Variants in RGS7 observed in about 807,000 individuals in gnomAD.
RGS7 encodes regulator of G protein signaling 7.
In RGS7, 27 loss-of-function variants were observed where a neutral mutation model predicts 81.1. The ratio of observed to expected loss-of-function variants is 0.33; its 90% confidence interval spans 0.25 to 0.46. The LOEUF (loss-of-function observed/expected upper bound fraction) is 0.46, where lower values mean the gene tolerates loss of function less well. Among genes scored for constraint, RGS7 ranks in the 20% least tolerant of loss-of-function variants. The pLI, the probability that RGS7 is intolerant of heterozygous loss-of-function variation, is 1.00. For synonymous variants in RGS7, 208 were observed against 207.7 expected, an observed-to-expected ratio of 1.00 and a Z score of -0.01; for missense variants, 396 against 607.4, an observed-to-expected ratio of 0.65 and a Z score of 3.66.
chr1:241,232,204 C>G (rs2075703191), intron 2 of RGS7, among the ~76,000 whole-genome samples: 1 of 151,700 alleles, frequency 6.6e-6, no homozygotes, highest in Admixed American at 6.6e-5. Context: ...CTCTCTCTCT[C>G]TCTCTCTTTC....
At chr1:240,925,826 G>C (rs963172181) in intron 6 of RGS7, among the ~76,000 whole-genome samples, 2 of 152,154 alleles carry the variant, frequency 1.3e-5, no homozygotes, top group African/African-American at 4.8e-5. Flanking sequence ...ATTCTGACTG[G>C]TGTGAGATCG....
At chr1:240,779,445 G>A (rs547657092) in intron 18 of RGS7, among the ~76,000 whole-genome samples, 23 of 152,202 alleles carry the variant, frequency 1.5e-4, no homozygotes, top group African/African-American at 5.3e-4. Context: ...ATGAACCACT[G>A]CGTCAGGCCT....
intron 3 of RGS7, among the ~76,000 whole-genome samples, chr1:241,096,235 G>C (rs2064244888): frequency 6.6e-6 from 1 of 152,176 alleles, no homozygotes; most frequent in East Asian, 1.9e-4. Flanking sequence ...AAAGCCAGCA[G>C]TCCGTTGCGA....
intron 9 of RGS7, among the ~76,000 whole-genome samples, chr1:240,827,864 C>CAAAAA (rs57562408): frequency 2.6e-4 from 14 of 52,848 alleles, no homozygotes; most frequent in East Asian, 7.9e-4. Context: ...AACTCCATTG[C>CAAAAA]AAAAAAAAAA....
chr1:241,130,339 TA>T (rs2066985067), intron 2 of RGS7, among the ~76,000 whole-genome samples: 1 of 147,478 alleles, frequency 6.8e-6, no homozygotes. Context: ...GTGATTAACA[TA>T]AATTAAAAAA....
At chr1:241,321,384 A>G (rs2148607463) in intron 2 of RGS7, among the ~76,000 whole-genome samples, 1 of 152,310 alleles carries the variant, frequency 6.6e-6, no homozygotes, top group Non-Finnish European at 1.5e-5. Flanking sequence ...TCTGTTTTCA[A>G]GCAATTTGGA....
chr1:240,884,951 A>G (rs1667088394), intron 6 of RGS7, among the ~76,000 whole-genome samples: 2 of 152,250 alleles, frequency 1.3e-5, no homozygotes. Flanking sequence ...AGAAATTACC[A>G]ACAGAGTAAA....
chr1:241,213,631 T>A (rs750747309), intron 2 of RGS7, among the ~76,000 whole-genome samples: 1 of 152,230 alleles, frequency 6.6e-6, no homozygotes, highest in African/African-American at 2.4e-5. Flanking sequence ...AAGAACTTCT[T>A]ACAGTGTAAT....
rs184067225 is a variant in RGS7 at position 241,348,324 on chromosome 1, C to T, written c.78+7375G>A. ...CACCAGAATAGGTCAGACTAAGTTC[C>T]CAATCTTATCGTTCCTGGGGTTCCA... is the stretch of plus-strand genomic sequence containing the variant. On this transcript the variant is annotated intron_variant, in intron 2 of 18. Transcript: ENST00000440928. Among the ~76,000 whole-genome samples the T allele has an allele frequency of 2.0e-4, 31 of 152,226 alleles. 1 individual carries two copies. Among genetic ancestry groups the T allele is most frequent in the Non-Finnish European group, 8.8e-5 (6 of 68,014 alleles).
At chr1:241,170,907 T>G (rs1161644684) in intron 2 of RGS7, among the ~76,000 whole-genome samples, 2 of 151,942 alleles carry the variant, frequency 1.3e-5, no homozygotes, top group East Asian at 3.9e-4. Context: ...GTAGAAGCAA[T>G]AATATCATCA....
At chr1:240,836,009 T>C (rs547282672) in intron 9 of RGS7, among the ~76,000 whole-genome samples, 2 of 152,280 alleles carry the variant, frequency 1.3e-5, no homozygotes, top group South Asian at 4.1e-4. Flanking sequence ...AGTGAATACA[T>C]GTCATTATAC....
At chr1:240,883,388 G>T (rs1210160870) in intron 6 of RGS7, among the ~76,000 whole-genome samples, 3 of 152,022 alleles carry the variant, frequency 2.0e-5, no homozygotes, top group Non-Finnish European at 4.4e-5. Flanking sequence ...AATCTGAAAG[G>T]TGTGGCTGCT....
intron 2 of RGS7, among the ~76,000 whole-genome samples, chr1:241,149,049 G>A (rs947474672): frequency 2.0e-4 from 31 of 152,202 alleles, no homozygotes; most frequent in African/African-American, 7.5e-4. Context: ...AAATATCTGT[G>A]GTTCCAATTC....
chr1:240,844,325 A>G (rs1187960745), intron 9 of RGS7, among the ~76,000 whole-genome samples: 1 of 152,136 alleles, frequency 6.6e-6, no homozygotes, highest in East Asian at 1.9e-4. Flanking sequence ...TATGCAAGAT[A>G]CCATCAGTAC....
chr1:241,170,520 C>T (rs894473584), intron 2 of RGS7, among the ~76,000 whole-genome samples: 25 of 152,118 alleles, frequency 1.6e-4, no homozygotes, highest in African/African-American at 4.1e-4. Context: ...AAATCTCTTA[C>T]GCATTTATTT....
intron 7 of RGS7, among the ~76,000 whole-genome samples, chr1:240,869,731 G>A (rs1310206230): frequency 6.6e-6 from 1 of 152,120 alleles, no homozygotes; most frequent in Admixed American, 6.5e-5. Context: ...CCTGAGGTCA[G>A]GAGTTCAAGA....
chr1:241,073,472 C>G (rs1294902624), intron 3 of RGS7, among the ~76,000 whole-genome samples: 1 of 152,184 alleles, frequency 6.6e-6, no homozygotes, highest in East Asian at 1.9e-4. Flanking sequence ...ACTTTGGCTA[C>G]AAAGTTAGAT....
intron 6 of RGS7, among the ~76,000 whole-genome samples, chr1:240,898,982 A>G (rs137943025): frequency 0.026 from 3,971 of 152,182 alleles, 186 homozygotes; most frequent in African/African-American, 0.092. Flanking sequence ...TTGGGTGCAT[A>G]TATATTTAGG....
intron 2 of RGS7, among the ~76,000 whole-genome samples, chr1:241,220,629 G>T (rs1038549219): frequency 6.6e-6 from 1 of 152,080 alleles, no homozygotes; most frequent in Non-Finnish European, 1.5e-5. Flanking sequence ...TGGGTTATCA[G>T]AAGAACTGCT....
Sources: allele counts gnomAD v4.1 joint callset (sites outside exome capture counted in the v4.1 genomes callset), GRCh38; gene constraint gnomAD v4.1.1; transcripts MANE v1.5; gene names NCBI Gene and HGNC (gene_info 2026-07-23, HGNC 2026-07-21).